The following UBE3D variants were observed in gnomAD, a reference collection of about 807,000 sequenced individuals.
The protein encoded by UBE3D is ubiquitin protein ligase E3D.
UBE3D carries 48 observed loss-of-function variants against 49.6 expected under a neutral mutation model. That is an observed-to-expected ratio of 0.97 (90% CI 0.77 to 1.23). UBE3D has a LOEUF of 1.23. Among genes scored for constraint, UBE3D ranks in the 50% most tolerant of loss-of-function variants. The pLI, the probability that UBE3D is intolerant of heterozygous loss-of-function variation, is 0.00. For synonymous variants in UBE3D, 189 were observed against 174.2 expected, an observed-to-expected ratio of 1.08 and a Z score of -0.67; for missense variants, 452 against 468.4, an observed-to-expected ratio of 0.96 and a Z score of 0.32.
At chr6:83,036,020 C>CTTTTTTTTTTTTTTTTTTTTTT (rs11448547) in intron 5 of UBE3D, 1 of 108,814 alleles carries the variant, frequency 9.2e-6, no homozygotes, top group Non-Finnish European at 1.7e-5. Context: ...TTTTGTACTT[C>CTTTTTTTTTTTTTTTTTTTTTT]TTTTTTTTTT....
intron 8 of UBE3D, among the ~76,000 whole-genome samples, chr6:82,972,463 C>T (rs1157471818): frequency 6.6e-6 from 1 of 152,200 alleles, no homozygotes; most frequent in African/African-American, 2.4e-5. Flanking sequence ...AGATCTCATG[C>T]TACCTGTGCA....
Position 82,986,440 on chromosome 6 carries a change from T to C in UBE3D, c.1011-28990A>G, listed in dbSNP as rs373000712. The stretch of plus-strand genomic sequence containing the variant: ...GAGCCGAGATCATGCCATTGCACTC[T>C]AGCCTGGGTGACAGAGAAACACTCT... On this transcript the variant is annotated intron_variant, in intron 8 of 9. Coordinates refer to ENST00000369747, the MANE Select transcript of UBE3D (RefSeq NM_198920.3). Among the ~76,000 whole-genome samples, 27 of 120,092 alleles carry C rather than the reference T, an allele frequency of 2.2e-4. No individual in the cohort carries two copies. The East Asian group carries it at 5.0e-3, about 22-fold the overall frequency. 78.8% of individuals were successfully genotyped at this position (120,092 alleles called of 152,430 possible).
At chr6:82,922,117 G>A (rs1224175322) in intron 9 of UBE3D, among the ~76,000 whole-genome samples, 1 of 121,122 alleles carries the variant, frequency 8.3e-6, no homozygotes, top group African/African-American at 2.9e-5. Flanking sequence ...GACATAAAAG[G>A]CATATTCTGA....
chr6:82,976,413 T>A (rs907858637), intron 8 of UBE3D, among the ~76,000 whole-genome samples: 2 of 152,226 alleles, frequency 1.3e-5, no homozygotes, highest in Admixed American at 1.3e-4. Flanking sequence ...AAACAGCTGC[T>A]CATGCTGAAG....
intron 9 of UBE3D, among the ~76,000 whole-genome samples, chr6:82,901,060 G>C (rs1309445298): frequency 6.6e-6 from 1 of 151,990 alleles, no homozygotes; most frequent in Non-Finnish European, 1.5e-5. Context: ...AAAATTTTGT[G>C]GCTACATCAC....
At chr6:82,953,892 C>T (rs1485990814) in intron 9 of UBE3D, among the ~76,000 whole-genome samples, 1 of 152,162 alleles carries the variant, frequency 6.6e-6, no homozygotes, top group Non-Finnish European at 1.5e-5. Flanking sequence ...AGAGGGGATA[C>T]CTGAACTGAG....
At chr6:82,975,235 T>A (rs1446359752) in intron 8 of UBE3D, among the ~76,000 whole-genome samples, 1 of 152,128 alleles carries the variant, frequency 6.6e-6, no homozygotes, top group Non-Finnish European at 1.5e-5. Context: ...ATATAAGGCA[T>A]TGCTTTAAAG....
chr6:83,065,789 G>C lies in UBE3D; in HGVS notation c.-71C>G. Reference sequence around the variant, plus strand: ...GGCCCGGGTCAACAGGACCAGGAGAGGTTCCACGTGCGGACCAACCAGCGG... The same window carrying C: ...GGCCCGGGTCAACAGGACCAGGAGACGTTCCACGTGCGGACCAACCAGCGG... On this transcript the variant is annotated 5_prime_UTR_variant, in exon 1 of 10. Coordinates refer to ENST00000369747, the MANE Select transcript of UBE3D (RefSeq NM_198920.3). The C allele has an allele frequency of 6.8e-7, 1 of 1,476,874 alleles. No individual in the cohort carries two copies. Among genetic ancestry groups the C allele is most frequent in the Admixed American group, 2.0e-5 (1 of 50,466 alleles). The allele number at this position is 1,476,874 out of a possible 1,614,324, so 91.5% of individuals were successfully genotyped here. A position where few individuals can be genotyped will look rare whatever the true frequency, so the allele number is the denominator to read the frequency against.
At chr6:82,960,557 A>G (rs1177496430) in intron 8 of UBE3D, among the ~76,000 whole-genome samples, 1 of 151,462 alleles carries the variant, frequency 6.6e-6, no homozygotes, top group Non-Finnish European at 1.5e-5. Flanking sequence ...GCCTAATACC[A>G]TACTTATATC....
At chr6:82,961,748 G>T (rs1020348639) in intron 8 of UBE3D, among the ~76,000 whole-genome samples, 6 of 152,056 alleles carry the variant, frequency 3.9e-5, no homozygotes, top group African/African-American at 1.4e-4. Context: ...GATCACCTGA[G>T]GTCGGGAGTT....
At chr6:83,046,674 G>GGGGT (rs1554211641) in intron 3 of UBE3D, among the ~76,000 whole-genome samples, 1 of 129,656 alleles carries the variant, frequency 7.7e-6, no homozygotes, top group African/African-American at 3.4e-5. Context: ...GCAGTTGGCG[G>GGGGT]GGGGGGTGGG....
At chr6:83,004,056 T>C (rs537017902) in intron 8 of UBE3D, among the ~76,000 whole-genome samples, 1 of 152,314 alleles carries the variant, frequency 6.6e-6, no homozygotes, top group South Asian at 2.1e-4. Context: ...TCTAAGGAGC[T>C]AAGGCATTGG....
At chr6:82,985,342 G>A (rs1461847768) in intron 8 of UBE3D, among the ~76,000 whole-genome samples, 1 of 151,456 alleles carries the variant, frequency 6.6e-6, no homozygotes, top group Non-Finnish European at 1.5e-5. Flanking sequence ...GTACTTATGT[G>A]GTTTTGTTTT....
chr6:82,885,945 C>T, the UBE3D span, among the ~76,000 whole-genome samples: 1 of 152,162 alleles, frequency 6.6e-6, no homozygotes, highest in Non-Finnish European at 1.5e-5. Context: ...GACAAGGATG[C>T]CTTCTCTGTC....
rs1048613697 is a variant in UBE3D at position 83,041,706 on chromosome 6, T to C, written c.597+2722A>G. Among the ~76,000 whole-genome samples the C allele has an allele frequency of 5.3e-5, 8 of 152,164 alleles. No homozygotes were observed. The South Asian group carries it at 8.3e-4, about 16-fold the overall frequency. ...TAAGAAAACAAAAAAGACACACTTA[T>C]GGATTTAACAAAACAAATTACCAAA... On this transcript the variant is annotated intron_variant, in intron 4 of 9. Coordinates refer to ENST00000369747, the MANE Select transcript of UBE3D (RefSeq NM_198920.3).
chr6:82,984,198 T>G (rs1778307436), intron 8 of UBE3D, among the ~76,000 whole-genome samples: 1 of 152,184 alleles, frequency 6.6e-6, no homozygotes. Flanking sequence ...CACTATACAC[T>G]TTCTTCTTCA....
At chr6:83,029,787 C>T (rs1781738157) in intron 5 of UBE3D, among the ~76,000 whole-genome samples, 1 of 152,108 alleles carries the variant, frequency 6.6e-6, no homozygotes, top group South Asian at 2.1e-4. Context: ...AAATGTATCT[C>T]CCCACAGTAT....
At chr6:83,004,096 T>C (rs1040668536) in intron 8 of UBE3D, among the ~76,000 whole-genome samples, 3 of 152,182 alleles carry the variant, frequency 2.0e-5, no homozygotes, top group African/African-American at 4.8e-5. Flanking sequence ...TTTGTACCCA[T>C]AAATTCTGAT....
intron 5 of UBE3D, among the ~76,000 whole-genome samples, chr6:83,028,311 T>C (rs934187365): frequency 2.6e-5 from 4 of 152,286 alleles, no homozygotes; most frequent in East Asian, 1.9e-4. Context: ...GTGAATACTA[T>C]ACCTAAAAAA....
Sources: gnomAD v4.1 joint callset for allele counts (sites outside exome capture counted in the v4.1 genomes callset) on GRCh38, gnomAD v4.1.1 for gene constraint, MANE v1.5 for transcripts, NCBI Gene and HGNC (gene_info 2026-07-23, HGNC 2026-07-21) for gene names.